Variants in MAPT observed in about 807,000 individuals in gnomAD.
MAPT encodes microtubule associated protein tau.
Under a neutral mutation model 67.9 loss-of-function variants are expected in MAPT, and 34 were observed. The ratio of observed to expected loss-of-function variants is 0.50; its 90% CI spans 0.38 to 0.67. The LOEUF (loss-of-function observed/expected upper bound fraction) is 0.67. Ranked by LOEUF, MAPT falls within the 30% of genes least tolerant of loss-of-function variation. MAPT has a pLI of 0.00. For synonymous variants in MAPT, 456 were observed against 464.5 expected (o/e 0.98, Z 0.23); for missense variants, 881 against 1,115.2 (o/e 0.79, Z 2.99).
At chr17:46,014,712 A>C (rs1342934161) in intron 11 of MAPT, among the ~76,000 whole-genome samples, 2 of 152,160 alleles carry the variant, frequency 1.3e-5, no homozygotes, top group Non-Finnish European at 2.9e-5. Flanking sequence ...GTCTCTACTA[A>C]AAATACAAAA....
At chr17:45,949,610 C>T (rs866074425) in intron 1 of MAPT, among the ~76,000 whole-genome samples, 6 of 152,156 alleles carry the variant, frequency 3.9e-5, no homozygotes, top group Non-Finnish European at 5.9e-5. Flanking sequence ...TTCCTTCTCA[C>T]GGGGTGGTTG....
chr17:45,983,270 G>C lies in MAPT; in HGVS notation c.691G>C (p.Ala231Pro). 1 of 1,598,918 alleles carries C rather than the reference G, an allele frequency of 6.3e-7. No homozygotes were observed. The stretch of plus-strand genomic sequence containing the variant: ...CCAGCTCATGTCCGGCATGCCTGGG[G>C]CTCCCCTCCTGCCTGAGGGCCCCAG... ...SHQLMSGMPGAPLLPEGPREA... is the reference protein window; with the variant it reads ...SHQLMSGMPGPPLLPEGPREA... Residue 231 changes from alanine to proline, a missense_variant, in exon 5 of 13, where the codon GCT becomes CCT. Physicochemically the swap from Ala to Pro is conservative, Grantham distance 27. Around this residue, in one of 6 missense-constraint regions of MAPT, gnomAD observed 687 missense variants for 766.1 expected, o/e 0.90. Coordinates refer to ENST00000262410, the MANE Select transcript of MAPT (RefSeq NM_001377265.1).
At chr17:45,904,027 T>TA (rs1202840610) in intron 1 of MAPT, among the ~76,000 whole-genome samples, 4 of 27,304 alleles carry the variant, frequency 1.5e-4, no homozygotes, top group African/African-American at 4.2e-4. Flanking sequence ...ATATTATATA[T>TA]TTATATATTA....
chr17:45,923,945 T>G (rs1234849580), intron 1 of MAPT, among the ~76,000 whole-genome samples: 2 of 152,200 alleles, frequency 1.3e-5, no homozygotes, highest in Non-Finnish European at 2.9e-5. Context: ...AGAAGAGAAT[T>G]AAATGAATTA....
At chr17:45,940,042 C>T (rs117706722) in intron 1 of MAPT, among the ~76,000 whole-genome samples, 1 of 152,150 alleles carries the variant, frequency 6.6e-6, no homozygotes, top group Non-Finnish European at 1.5e-5. Flanking sequence ...TAGAATTGTA[C>T]TGGGGACTCA....
chr17:45,978,751 T>G, intron 4 of MAPT: 1 of 331,298 alleles, frequency 3.0e-6, no homozygotes, highest in Non-Finnish European at 5.6e-6. Flanking sequence ...ACGCCTCTAA[T>G]CCCAGCACTA....
At chr17:45,955,794 G>C (rs1262358452) in intron 1 of MAPT, among the ~76,000 whole-genome samples, 1 of 151,714 alleles carries the variant, frequency 6.6e-6, no homozygotes, top group Non-Finnish European at 1.5e-5. Flanking sequence ...GGAGTGCAGT[G>C]GTGCAATCTC....
intron 8 of MAPT, among the ~76,000 whole-genome samples, chr17:45,994,943 G>A (rs946994562): frequency 6.6e-6 from 1 of 152,124 alleles, no homozygotes; most frequent in Non-Finnish European, 1.5e-5. Context: ...AGCTACTCGG[G>A]AGGCTGAGGC....
At position 46,022,080 on chromosome 17, in the gene MAPT, C is replaced by T. The variant is rs1469378841; in HGVS notation, c.2287-1876C>T. Among the ~76,000 whole-genome samples, 5 of 152,274 alleles carry T rather than the reference C, an allele frequency of 3.3e-5. No individual in the cohort carries two copies. The East Asian group carries it at 9.7e-4, about 29-fold the overall frequency. On this transcript the variant is annotated intron_variant, in intron 12 of 12. Transcript: ENST00000262410. The stretch of plus-strand genomic sequence containing the variant: ...CAAGAAAATACAGTAACAGGTCAGG[C>T]ATGGTGGCTCATGCCTGTAACCCCA...
Position 46,012,157 on chromosome 17 carries a change from A to T in MAPT, c.2091+1755A>T, listed in dbSNP as rs372701807. Among the ~76,000 whole-genome samples, 5 of 152,334 alleles carry T rather than the reference A, an allele frequency of 3.3e-5. No homozygotes were observed. In the South Asian group the frequency reaches 1.0e-3, roughly 32 times the overall value. The stretch of plus-strand genomic sequence containing the variant: ...GGAAGGCCATGTGCTTTCTGGTTGA[A>T]GTCAAGTCTGGTGCCCTGGTGGAGG... On this transcript the variant is annotated intron_variant, in intron 10 of 12. Transcript: ENST00000262410.
At chr17:46,014,479 G>A (rs747193066) in intron 11 of MAPT, among the ~76,000 whole-genome samples, 155 bp downstream of exon 11, 1 of 152,232 alleles carries the variant, frequency 6.6e-6, no homozygotes, top group African/African-American at 2.4e-5. Context: ...ACTTGCGGGA[G>A]CCCAGGAGGC....
chr17:45,994,423 C>T (rs2074310069), intron 8 of MAPT, among the ~76,000 whole-genome samples: 1 of 152,206 alleles, frequency 6.6e-6, no homozygotes, highest in South Asian at 2.1e-4. Context: ...GAGGCTGAGC[C>T]TGGAGGCCCT....
chr17:45,917,802 G>T (rs921536286), intron 1 of MAPT, among the ~76,000 whole-genome samples: 3 of 150,278 alleles, frequency 2.0e-5, no homozygotes, highest in African/African-American at 7.4e-5. Flanking sequence ...TTAAGACAGA[G>T]CCTTGCTGTC....
intron 1 of MAPT, among the ~76,000 whole-genome samples, chr17:45,940,488 C>T (rs2067755992): frequency 6.6e-6 from 1 of 152,234 alleles, no homozygotes; most frequent in Non-Finnish European, 1.5e-5. Flanking sequence ...AGAGTAAGCA[C>T]TCAAATGATG....
Position 45,913,771 on chromosome 17 carries a change from G to C in MAPT, c.-18+19085G>C, listed in dbSNP as rs117568040. 2.3e-3 allele frequency among the ~76,000 whole-genome samples: 348 copies of C among 152,338 alleles called. 1 individual carries two copies. Among genetic ancestry groups the C allele is most frequent in the South Asian group, 7.0e-3 (34 of 4,828 alleles). Reference sequence around the variant, plus strand: ...AAAGACAAATGTGGCCCATTTTCCTGTACAAAGAGGGCTGCTCCCATGCCA... The same window carrying C: ...AAAGACAAATGTGGCCCATTTTCCTCTACAAAGAGGGCTGCTCCCATGCCA... On this transcript the variant is annotated intron_variant, in intron 1 of 12. Transcript: ENST00000262410.
At chr17:46,017,524 G>A (rs2076267433) in intron 11 of MAPT, among the ~76,000 whole-genome samples, 2 of 137,892 alleles carry the variant, frequency 1.5e-5, no homozygotes, top group Non-Finnish European at 3.0e-5. Context: ...CACAATCTCG[G>A]CTCACTGCAA....
At chr17:45,954,258 C>T (rs915259633) in intron 1 of MAPT, among the ~76,000 whole-genome samples, 2 of 152,160 alleles carry the variant, frequency 1.3e-5, no homozygotes, top group Non-Finnish European at 2.9e-5. Flanking sequence ...GCTGCTTTCC[C>T]GCTACAATTA....
At chr17:45,938,983 T>C (rs967247404) in intron 1 of MAPT, among the ~76,000 whole-genome samples, 10 of 151,942 alleles carry the variant, frequency 6.6e-5, no homozygotes, top group Admixed American at 6.6e-4. Flanking sequence ...CCGACTAATT[T>C]TTGTATTTTT....
chr17:45,989,688 G>A (rs2073905556), intron 6 of MAPT, among the ~76,000 whole-genome samples, 190 bp from the exon 7 acceptor site: 1 of 152,142 alleles, frequency 6.6e-6, no homozygotes, highest in Non-Finnish European at 1.5e-5. Context: ...CTGTGATTGG[G>A]GAGGACGGTC....
Sources: allele counts gnomAD v4.1 joint callset (sites outside exome capture counted in the v4.1 genomes callset), GRCh38; gene constraint gnomAD v4.1.1; regional missense constraint gnomAD v4.1.1; transcripts MANE v1.5; gene names NCBI Gene and HGNC (gene_info 2026-07-23, HGNC 2026-07-21).